CDH26: variants seen among roughly 807,000 people sequenced by gnomAD.
CDH26 encodes cadherin 26.
CDH26 carries 83 observed loss-of-function variants against 90.3 expected under a neutral mutation model. The ratio of observed to expected loss-of-function variants is 0.92; its 90% confidence interval spans 0.77 to 1.10. CDH26 has a LOEUF of 1.10. Ranked by LOEUF, CDH26 falls within the 50% of genes least tolerant of loss-of-function variation. The probability of loss-of-function intolerance (pLI) is 0.00; values close to 1 mark genes in which losing one functional copy is unlikely to be tolerated. For missense variants in CDH26, 1,013 were observed against 1,037.6 expected, an observed-to-expected ratio of 0.98 and a Z score of 0.33; for synonymous variants, 397 against 396.3, an observed-to-expected ratio of 1.00 and a Z score of -0.02.
chr20:60,022,315 T>A (rs1201520411), intron 7 of CDH26, among the ~76,000 whole-genome samples: 1 of 152,262 alleles, frequency 6.6e-6, no homozygotes, highest in Non-Finnish European at 1.5e-5. Context: ...GTGATTTTAT[T>A]ATGAACATTA....
Position 59,985,056 on chromosome 20 carries a change from T to G in CDH26, c.764T>G (p.Leu255Arg). ...IRARDCGEPS[L>R]SSTTTVHVDV... Reference sequence around the variant, plus strand: ...GCCAGGGACTGTGGAGAACCGTCACTGTCATCCACGACCACCGTTCACGTG... The same window carrying G: ...GCCAGGGACTGTGGAGAACCGTCACGGTCATCCACGACCACCGTTCACGTG... The change falls in exon 7 of 18, where the codon CTG becomes CGG. Residue 255 changes from leucine (L) to arginine (R), a missense_variant. Physicochemically the swap from Leu to Arg is moderately radical, Grantham distance 102 (BLOSUM62 -2). Coordinates refer to ENST00000348616, the MANE Select transcript of CDH26 (RefSeq NM_177980.4). 6.2e-7 allele frequency: 1 copy of G among 1,614,052 alleles called. No homozygotes were observed. The highest frequency in any genetic ancestry group is 8.5e-7 in the Non-Finnish European group (1 of 1,179,968).
chr20:59,986,317 C>T (rs1451518131), intron 7 of CDH26: 1 of 152,170 alleles, frequency 6.6e-6, no homozygotes, highest in Non-Finnish European at 1.5e-5. Context: ...TTTAAGAAAG[C>T]ATTGAAAACC....
At position 60,013,471 on chromosome 20, in the gene CDH26, C is replaced by G. The variant is rs921782817; in HGVS notation, c.*741C>G. The G allele has an allele frequency of 2.6e-5, 4 of 152,148 alleles. No individual in the cohort carries two copies. The highest frequency in any genetic ancestry group is 2.6e-4 in the Admixed American group (4 of 15,280). The allele number at this position is 152,148 out of a possible 1,614,324, so 9.4% of individuals were successfully genotyped here. A position where few individuals can be genotyped will look rare whatever the true frequency, so the allele number is the denominator to read the frequency against. ...TTGGTTTTTACTTGTCCACTTACTGCTAGTGTCAGTTTCAGGGGAAGAAAT... is the reference window on the plus strand; with the variant it reads ...TTGGTTTTTACTTGTCCACTTACTGGTAGTGTCAGTTTCAGGGGAAGAAAT... On this transcript the variant is annotated 3_prime_UTR_variant, in exon 18 of 18. Coordinates refer to ENST00000348616, the MANE Select transcript of CDH26 (RefSeq NM_177980.4).
chr20:59,975,021 G>C (rs1167919234), intron 4 of CDH26, among the ~76,000 whole-genome samples: 2 of 152,056 alleles, frequency 1.3e-5, no homozygotes, highest in Admixed American at 1.3e-4. Context: ...CACATAATAG[G>C]TTCTCCCTTA....
chr20:59,988,635 G>A (rs1206484302), intron 8 of CDH26, among the ~76,000 whole-genome samples: 1 of 151,928 alleles, frequency 6.6e-6, no homozygotes, highest in African/African-American at 2.4e-5. Context: ...ATTAGGCTAT[G>A]GTTTTTGTTG....
intron 5 of CDH26, 144 bp downstream of exon 5, chr20:59,983,214 A>C: frequency 1.0e-6 from 1 of 957,312 alleles, no homozygotes. Flanking sequence ...CTTGGATCTG[A>C]GCGAAATGCT....
intron 12 of CDH26, 108 bp from the exon 13 acceptor site, chr20:59,996,523 G>A (rs1038926463): frequency 6.8e-6 from 11 of 1,613,660 alleles, no homozygotes; most frequent in Admixed American, 1.7e-5. Flanking sequence ...ACGCAATTTG[G>A]CCTTGCCAGT....
chr20:59,967,980 TTTCTTTCTTTC>T (rs2061194049), intron 1 of CDH26, among the ~76,000 whole-genome samples: 1 of 131,912 alleles, frequency 7.6e-6, no homozygotes, highest in Non-Finnish European at 1.6e-5. Context: ...TCTTTCTTTC[TTTCTTTCTTTC>T]TTTCTTTCTT....
At chr20:59,974,956 A>T (rs539197418) in intron 4 of CDH26, among the ~76,000 whole-genome samples, 5 of 152,142 alleles carry the variant, frequency 3.3e-5, no homozygotes, top group Non-Finnish European at 7.4e-5. Context: ...ACTCTGCCTT[A>T]TTGTTGACTT....
intron 7 of CDH26, among the ~76,000 whole-genome samples, chr20:59,985,368 A>G (rs988794704): frequency 1.3e-5 from 2 of 152,162 alleles, no homozygotes; most frequent in African/African-American, 2.4e-5. Flanking sequence ...GCCTATGATC[A>G]TGGCGGAAGG....
rs764913873 is a variant in CDH26 at position 59,958,755 on chromosome 20, C to T, written c.29C>T (p.Ser10Leu). ...GCCATGAGATCCGGGAGGCACCCCT[C>T]GCTGCTGCTGCTTCTAGTGCTGCTG... MAMRSGRHPSLLLLLVLLLW... is the reference protein window; with the variant it reads MAMRSGRHPLLLLLLVLLLW... Residue 10 changes from serine to leucine, a missense_variant, in exon 1 of 18, where the codon TCG becomes TTG. Ser to Leu is a moderately radical substitution (Grantham distance 145). Coordinates refer to ENST00000348616, the MANE Select transcript of CDH26 (RefSeq NM_177980.4). 8 of 1,614,032 alleles carry T rather than the reference C, an allele frequency of 5.0e-6. No homozygotes were observed. Among genetic ancestry groups the T allele is most frequent in the East Asian group, 2.2e-5 (1 of 44,886 alleles).
chr20:59,975,706 T>C (rs562615548), intron 4 of CDH26, among the ~76,000 whole-genome samples: 1 of 152,302 alleles, frequency 6.6e-6, no homozygotes, highest in East Asian at 1.9e-4. Context: ...TAAGAGAGCG[T>C]TTATTGTTGG....
chr20:60,005,072 G>A (rs1027424310), intron 16 of CDH26, among the ~76,000 whole-genome samples: 79 of 150,868 alleles, frequency 5.2e-4, no homozygotes, highest in Non-Finnish European at 2.1e-4. Context: ...TACTCAGAGA[G>A]AAGACAATGA....
intron 17 of CDH26, among the ~76,000 whole-genome samples, chr20:60,010,148 G>A (rs893648949): frequency 3.3e-5 from 5 of 151,496 alleles, no homozygotes; most frequent in African/African-American, 1.2e-4. Flanking sequence ...CTGAGAACCA[G>A]AGGAAGCTGG....
chr20:60,021,895 C>CATATATATATATATATATATAT (rs1387371250), intron 7 of CDH26, among the ~76,000 whole-genome samples: 1 of 80,770 alleles, frequency 1.2e-5, no homozygotes, highest in African/African-American at 3.9e-5. Flanking sequence ...CACACACACA[C>CATATATATATATATATATATAT]ACATATATAT....
chr20:60,015,057 A>T (rs2061893673), downstream of CDH26, among the ~76,000 whole-genome samples: 1 of 152,184 alleles, frequency 6.6e-6, no homozygotes, highest in South Asian at 2.1e-4. Flanking sequence ...ATCTCAGCTC[A>T]CTGCAACCTC....
At chr20:60,012,173 G>A (rs1480291880) in intron 17 of CDH26, among the ~76,000 whole-genome samples, 1 of 152,080 alleles carries the variant, frequency 6.6e-6, no homozygotes, top group Non-Finnish European at 1.5e-5. Context: ...TCCAAACGAG[G>A]GCCGGGGGGT....
At chr20:59,967,966 TC>T in intron 1 of CDH26, among the ~76,000 whole-genome samples, 1 of 60,568 alleles carries the variant, frequency 1.7e-5, no homozygotes, top group Non-Finnish European at 3.2e-5. Context: ...TATCTTTCTT[TC>T]TTTCTTTCTT....
chr20:60,029,970 A>G (rs945103460), intron 7 of CDH26, among the ~76,000 whole-genome samples: 3 of 152,196 alleles, frequency 2.0e-5, no homozygotes, highest in African/African-American at 7.2e-5. Flanking sequence ...AAGCAAAGGA[A>G]CACATGGTCA....
Sources: allele counts gnomAD v4.1 joint callset (sites outside exome capture counted in the v4.1 genomes callset), GRCh38; gene constraint gnomAD v4.1.1; transcripts MANE v1.5; gene names NCBI Gene and HGNC (gene_info 2026-07-23, HGNC 2026-07-21).